Variants in DAPK2 observed in about 807,000 individuals in gnomAD.
The protein encoded by DAPK2 is death-associated protein kinase 2.
A neutral mutation model predicts 44.1 loss-of-function variants in DAPK2; 35 were observed. The observed-to-expected ratio is 0.79, with a 90% CI of 0.61 to 1.05. DAPK2 has a LOEUF of 1.05. Ranked by LOEUF, DAPK2 falls within the 50% of genes least tolerant of loss-of-function variation. The pLI, the probability that DAPK2 is intolerant of heterozygous loss-of-function variation, is 0.00. For missense variants in DAPK2, 453 were observed against 483.2 expected (o/e 0.94, Z 0.59); for synonymous variants, 174 against 182.6 (o/e 0.95, Z 0.38).
intron 1 of DAPK2, among the ~76,000 whole-genome samples, chr15:63,995,225 A>G (rs2078922047): frequency 6.6e-6 from 1 of 152,014 alleles, no homozygotes; most frequent in African/African-American, 2.4e-5. Flanking sequence ...TCTGTAACCC[A>G]GGCTGGAATA....
At chr15:64,019,777 G>A (rs538144554) in intron 1 of DAPK2, among the ~76,000 whole-genome samples, 1 of 152,268 alleles carries the variant, frequency 6.6e-6, no homozygotes, top group South Asian at 2.1e-4. Flanking sequence ...GCTGTTAATT[G>A]CCCATGGAAT....
At position 63,923,938 on chromosome 15, in the gene DAPK2, G is replaced by A. The variant is rs74019100; in HGVS notation, c.858+878C>T. On this transcript the variant is annotated intron_variant, in intron 8 of 10. Coordinates refer to ENST00000261891, the Ensembl canonical transcript of DAPK2. The surrounding 1 kb of genome is among the most constrained non-coding windows in gnomAD (Gnocchi z 4.2). ...GCTCAAGTCATCCTTCTGCTGCCTCGGCCTCCCAAAGTGCTGGGATTACAG... is the reference window on the plus strand; with the variant it reads ...GCTCAAGTCATCCTTCTGCTGCCTCAGCCTCCCAAAGTGCTGGGATTACAG... 0.084 allele frequency among the ~76,000 whole-genome samples: 12,780 copies of A among 152,094 alleles called. 804 individuals are homozygous for A. The highest frequency in any genetic ancestry group is 0.18 in the African/African-American group (7,434 of 41,462).
intron 3 of DAPK2, among the ~76,000 whole-genome samples, chr15:63,952,650 T>TTA (rs2077622932): frequency 6.6e-6 from 1 of 151,030 alleles, no homozygotes; most frequent in African/African-American, 2.4e-5. Flanking sequence ...ATCTGTTTTT[T>TTA]TTTATTTATT....
In DAPK2 at chr15:64,002,964, GTCGTGGGACC is replaced by G. The variant is rs373694028; in HGVS notation, c.93-19220_93-19211del. Among the ~76,000 whole-genome samples, 526 of 71,298 alleles carry G rather than the reference GTCGTGGGACC, an allele frequency of 7.4e-3. 6 individuals are homozygous for G. The highest frequency in any genetic ancestry group is 0.028 in the South Asian group (45 of 1,602). 46.8% of individuals were successfully genotyped at this position (71,298 alleles called of 152,430 possible). A position where few individuals can be genotyped will look rare whatever the true frequency, so the allele number is the denominator to read the frequency against. ...TGTGTGTGTGTGTGTGTGTGTGTGT[GTCGTGGGACC>G]TGTGTGTGTGTGTGTGTGTGTGTGT... On this transcript the variant is annotated intron_variant, in intron 1 of 10. Coordinates refer to ENST00000261891, the Ensembl canonical transcript of DAPK2.
chr15:63,942,596 A>C (rs565536026), intron 3 of DAPK2, among the ~76,000 whole-genome samples: 6 of 151,494 alleles, frequency 4.0e-5, no homozygotes, highest in South Asian at 2.1e-4. Flanking sequence ...AACAAACAAA[A>C]AAAAGAACCC....
At chr15:63,967,626 G>A (rs1337663878) in intron 3 of DAPK2, among the ~76,000 whole-genome samples, 1 of 152,170 alleles carries the variant, frequency 6.6e-6, no homozygotes, top group Non-Finnish European at 1.5e-5. Flanking sequence ...AGGAGGCAGA[G>A]GCTGCAGGGA....
chr15:63,919,231 A>G (rs571150201), intron 8 of DAPK2: 1 of 152,322 alleles, frequency 6.6e-6, no homozygotes, highest in East Asian at 1.9e-4. Flanking sequence ...TTTGTACAGA[A>G]AAAGGTCTGT....
chr15:63,922,678 G>T (rs923013843), intron 8 of DAPK2: 3 of 1,463,258 alleles, frequency 2.1e-6, no homozygotes, highest in African/African-American at 2.8e-5. Flanking sequence ...CAGCAGGGTG[G>T]ATGAGAACAT....
At chr15:64,033,253 TG>T (rs2080070381) in intron 1 of DAPK2, among the ~76,000 whole-genome samples, 3 of 85,622 alleles carry the variant, frequency 3.5e-5, no homozygotes, top group African/African-American at 7.9e-5. Context: ...GAGAGACCCC[TG>T]GGGAGGGGGA....
At chr15:63,984,908 C>T in intron 1 of DAPK2, among the ~76,000 whole-genome samples, 1 of 152,206 alleles carries the variant, frequency 6.6e-6, no homozygotes, top group East Asian at 1.9e-4. Flanking sequence ...GTGAGACAGT[C>T]TTCAAAATAC....
chr15:63,982,733 T>C (rs951582221), intron 2 of DAPK2, among the ~76,000 whole-genome samples: 1 of 152,242 alleles, frequency 6.6e-6, no homozygotes, highest in East Asian at 1.9e-4. Context: ...ACAGGCCGTG[T>C]GGACTCAAGT....
chr15:64,009,487 A>G (rs2079327532), intron 1 of DAPK2, among the ~76,000 whole-genome samples: 1 of 151,926 alleles, frequency 6.6e-6, no homozygotes. Context: ...GCCTCATTCT[A>G]CTTGCCCAAA....
At chr15:64,017,305 G>A (rs1488194996) in intron 1 of DAPK2, among the ~76,000 whole-genome samples, 1 of 152,164 alleles carries the variant, frequency 6.6e-6, no homozygotes, top group Non-Finnish European at 1.5e-5. Flanking sequence ...GCAGCTAATA[G>A]TGTCTATCTA....
chr15:64,005,754 C>T (rs1190601402), intron 1 of DAPK2, among the ~76,000 whole-genome samples: 1 of 152,100 alleles, frequency 6.6e-6, no homozygotes. Context: ...CATGGCTGGG[C>T]ATGGTGGTGC....
chr15:63,979,302 A>G (rs2078438762), intron 2 of DAPK2, among the ~76,000 whole-genome samples: 1 of 152,226 alleles, frequency 6.6e-6, no homozygotes, highest in Non-Finnish European at 1.5e-5. Context: ...AGTCACGACC[A>G]GAGGCAGCTG....
At chr15:63,961,837 T>C (rs2077909603) in intron 3 of DAPK2, among the ~76,000 whole-genome samples, 1 of 152,162 alleles carries the variant, frequency 6.6e-6, no homozygotes. Context: ...TTGCTCTTCT[T>C]GAGGAGTATC....
Position 64,021,473 on chromosome 15 carries a change from G to A in DAPK2, c.92+18697C>T, listed in dbSNP as rs895905061. ...CTGGGCTTGTAAACACAAGCTCAGC[G>A]CCCTTGGGGCCTCAAAGCTGGCTAA... On this transcript the variant is annotated intron_variant, in intron 1 of 10. Coordinates refer to ENST00000261891, the Ensembl canonical transcript of DAPK2. 5.3e-5 allele frequency among the ~76,000 whole-genome samples: 8 copies of A among 152,154 alleles called. No homozygotes were observed. In the East Asian group the frequency reaches 5.8e-4, roughly 11 times the overall value.
At chr15:64,005,465 T>C (rs2079201164) in intron 1 of DAPK2, among the ~76,000 whole-genome samples, 1 of 151,416 alleles carries the variant, frequency 6.6e-6, no homozygotes, top group Admixed American at 6.6e-5. Context: ...TCCGGAAAGA[T>C]GTGCAGGTGC....
At chr15:64,025,582 T>A (rs929458425) in intron 1 of DAPK2, among the ~76,000 whole-genome samples, 1 of 152,202 alleles carries the variant, frequency 6.6e-6, no homozygotes, top group Non-Finnish European at 1.5e-5. Flanking sequence ...CTTTTACAGT[T>A]TTGCTGTAAA....
Sources: allele counts gnomAD v4.1 joint callset (sites outside exome capture counted in the v4.1 genomes callset), GRCh38; gene constraint gnomAD v4.1.1; non-coding constraint Gnocchi (gnomAD v3.1); transcripts MANE v1.5; gene names NCBI Gene and HGNC (gene_info 2026-07-23, HGNC 2026-07-21).